LAP3: variants seen among roughly 807,000 people sequenced by gnomAD.
LAP3 encodes cytosol aminopeptidase.
In LAP3, 46 loss-of-function variants were observed where a neutral mutation model predicts 58.8. The ratio of observed to expected loss-of-function variants is 0.78; its 90% CI spans 0.62 to 1.00. The LOEUF is 1.00. LAP3 is among the 50% of genes least tolerant of loss of function. LAP3 has a pLI of 0.00. For missense variants in LAP3, 615 were observed against 659.1 expected, an observed-to-expected ratio of 0.93 and a Z score of 0.73; for synonymous variants, 257 against 237.7, an observed-to-expected ratio of 1.08 and a Z score of -0.75.
At chr4:17,598,737 C>T (rs1713895717) in intron 10 of LAP3, among the ~76,000 whole-genome samples, 179 bp downstream of exon 10, 1 of 146,210 alleles carries the variant, frequency 6.8e-6, no homozygotes, top group African/African-American at 2.5e-5. Flanking sequence ...TTAGGTTTGT[C>T]GTTTTAAAAC....
At chr4:17,591,621 T>C (rs1284679669) in intron 7 of LAP3, among the ~76,000 whole-genome samples, 1 of 152,134 alleles carries the variant, frequency 6.6e-6, no homozygotes, top group Admixed American at 6.5e-5. Flanking sequence ...TAGCTGAAGA[T>C]GTGAAGAATC....
In LAP3 at chr4:17,579,924, G is replaced by A; in HGVS notation, c.203G>A (p.Arg68Lys). 1 of 1,599,908 alleles carries A rather than the reference G, an allele frequency of 6.3e-7. No individual in the cohort carries two copies. Among genetic ancestry groups the A allele is most frequent in the South Asian group, 1.1e-5 (1 of 90,536 alleles). ...GATAAATTGTTAGCTGGAAAGCTGA[G>A]AGAGACTTTGAACATGTAAGTGTTG... ...NFDKLLAGKL[R>K]ETLNISGPPL... Residue 68 changes from arginine (R) to lysine (K), a missense_variant, in exon 2 of 13, where the codon AGA becomes AAA. Arg to Lys is a conservative substitution (Grantham distance 26, BLOSUM62 2). Transcript: ENST00000226299.
At chr4:17,594,183 C>G (rs1713771888) in intron 7 of LAP3, among the ~76,000 whole-genome samples, 1 of 152,034 alleles carries the variant, frequency 6.6e-6, no homozygotes, top group African/African-American at 2.4e-5. Context: ...TGGTGGCTAC[C>G]TTAGAACCAT....
intron 4 of LAP3, 75 bp downstream of exon 4, chr4:17,582,468 C>G (rs1220272182): frequency 4.1e-6 from 5 of 1,204,846 alleles, no homozygotes; most frequent in Non-Finnish European, 6.0e-6. Context: ...CCTTTTTGTC[C>G]TTTTACCAGT....
intron 8 of LAP3, 127 bp downstream of exon 8, chr4:17,595,661 C>A: frequency 1.8e-6 from 2 of 1,115,248 alleles, no homozygotes; most frequent in Non-Finnish European, 2.6e-6. Flanking sequence ...AGTCATCAAG[C>A]AGTAGCTATT....
chr4:17,585,096 A>G lies in LAP3; in HGVS notation c.664A>G (p.Asn222Asp). 1 of 1,613,900 alleles carries G rather than the reference A, an allele frequency of 6.2e-7. No individual in the cohort carries two copies. The highest frequency in any genetic ancestry group is 8.5e-7 in the Non-Finnish European group (1 of 1,179,788). Residue 222 changes from asparagine (N) to aspartate (D), a missense_variant, in exon 6 of 13, where the codon AAT becomes GAT. Physicochemically the swap from Asn to Asp is conservative, Grantham distance 23. Transcript: ENST00000226299. ...PTRFAEIIEK[N>D]LKSASSKTEV... Reference sequence around the variant, plus strand: ...CAGATTTGCTGAAATTATTGAGAAGAATCTCAAAAGTGCTAGTAGTAAAAC... The same window carrying G: ...CAGATTTGCTGAAATTATTGAGAAGGATCTCAAAAGTGCTAGTAGTAAAAC...
rs1261051047 is a variant in LAP3 at position 17,577,635 on chromosome 4, G to A, written c.102+68G>A. The A allele has an allele frequency of 8.2e-5, 103 of 1,249,596 alleles. 3 individuals carry two copies. In the South Asian group the frequency reaches 1.4e-3, roughly 16 times the overall value. The allele number at this position is 1,249,596 out of a possible 1,614,324, so 77.4% of individuals were successfully genotyped here. A position where few individuals can be genotyped will look rare whatever the true frequency, so the allele number is the denominator to read the frequency against. ...GCCCGTGGGCTACTGGGGCTGCGGG[G>A]CTGGTCGAAGCCGCGGTGTCCTGGG... On this transcript the variant is annotated intron_variant, in intron 1 of 12. Coordinates refer to ENST00000226299, the MANE Select transcript of LAP3 (RefSeq NM_015907.3).
At position 17,602,444 on chromosome 4, in the gene LAP3, A is replaced by T. The variant is rs191500519; in HGVS notation, c.1181-2144A>T. On this transcript the variant is annotated intron_variant, in intron 10 of 12. Transcript: ENST00000226299. ...ATCTGGATTTTTAAGTTGATTTTTT[A>T]AAAATATGCTAATTAATGTAAAAAT... Among the ~76,000 whole-genome samples the T allele has an allele frequency of 1.7e-3, 253 of 152,332 alleles. 1 individual carries two copies. Among genetic ancestry groups the T allele is most frequent in the Middle Eastern group, 0.01 (3 of 294 alleles).
At position 17,579,953 on chromosome 4, in the gene LAP3, G is replaced by T; in HGVS notation, c.218+14G>T. 7.0e-7 allele frequency: 1 copy of T among 1,433,052 alleles called. No individual in the cohort carries two copies. Among genetic ancestry groups the T allele is most frequent in the Non-Finnish European group, 9.8e-7 (1 of 1,024,550 alleles). 88.8% of individuals were successfully genotyped at this position (1,433,052 alleles called of 1,614,324 possible). A position where few individuals can be genotyped will look rare whatever the true frequency, so the allele number is the denominator to read the frequency against. ...GACTTTGAACATGTAAGTGTTGCTT[G>T]TGGGCTCTAGTTCTTAAAGTGCCCC... is the stretch of plus-strand genomic sequence containing the variant. On this transcript the variant is annotated intron_variant, in intron 2 of 12. Coordinates refer to ENST00000226299, the MANE Select transcript of LAP3 (RefSeq NM_015907.3).
chr4:17,585,435 A>ATTTT (rs201860192), intron 6 of LAP3: 7 of 149,182 alleles, frequency 4.7e-5, no homozygotes, highest in Admixed American at 7.2e-5. Context: ...CAATTCAGTG[A>ATTTT]TTTTTTTTTT....
chr4:17,592,693 C>T (rs1713718011), intron 7 of LAP3, among the ~76,000 whole-genome samples: 1 of 152,254 alleles, frequency 6.6e-6, no homozygotes, highest in South Asian at 2.1e-4. Context: ...TCTAATTGTT[C>T]TACACCTTCC....
intron 2 of LAP3, among the ~76,000 whole-genome samples, chr4:17,581,205 T>C (rs866869836): frequency 6.6e-6 from 1 of 152,240 alleles, no homozygotes; most frequent in Non-Finnish European, 1.5e-5. Flanking sequence ...CACATAGATA[T>C]ACAACCTCCA....
chr4:17,580,743 C>T (rs1197769371), intron 2 of LAP3, among the ~76,000 whole-genome samples: 1 of 152,060 alleles, frequency 6.6e-6, no homozygotes, highest in Non-Finnish European at 1.5e-5. Context: ...CTGTGAATCA[C>T]CTGAGGATAT....
chr4:17,598,876 A>G (rs960287847), intron 10 of LAP3, among the ~76,000 whole-genome samples: 1 of 152,064 alleles, frequency 6.6e-6, no homozygotes, highest in African/African-American at 2.4e-5. Flanking sequence ...AGCTGGGGTT[A>G]CAGGTACGCA....
intron 6 of LAP3, chr4:17,585,383 GAC>G (rs1159969384): frequency 1.2e-4 from 35 of 281,072 alleles, no homozygotes; most frequent in Non-Finnish European, 3.4e-5. Flanking sequence ...GTGTTATTCA[GAC>G]ACAATTAACA....
At position 17,595,520 on chromosome 4, in the gene LAP3, C is replaced by T. The variant is rs763705669; in HGVS notation, c.974C>T (p.Pro325Leu). Residue 325 changes from proline (P) to leucine (L), a missense_variant, in exon 8 of 13, where the codon CCC (proline) becomes CTC (leucine). Pro to Leu is a moderately conservative substitution (Grantham distance 98). Transcript: ENST00000226299. ...GTGTCTGCTGCAAAGCTTAATTTGCCCATTAATATTATAGGTAAGTGGGGT... is the reference window on the plus strand; with the variant it reads ...GTGTCTGCTGCAAAGCTTAATTTGCTCATTAATATTATAGGTAAGTGGGGT... ...AIVSAAKLNL[P>L]INIIGLAPLC... 5.0e-6 allele frequency: 8 copies of T among 1,613,624 alleles called. No homozygotes were observed. The highest frequency in any genetic ancestry group is 5.1e-6 in the Non-Finnish European group (6 of 1,179,824).
intron 7 of LAP3, among the ~76,000 whole-genome samples, chr4:17,593,738 G>T (rs9995197): frequency 6.8e-6 from 1 of 147,030 alleles, no homozygotes; most frequent in Non-Finnish European, 1.5e-5. Context: ...TCAACCTCCC[G>T]AGTAGCTGGG....
chr4:17,596,395 A>C (rs1253613318), intron 8 of LAP3, among the ~76,000 whole-genome samples: 1 of 151,964 alleles, frequency 6.6e-6, no homozygotes, highest in African/African-American at 2.4e-5. Context: ...GCTGGAGTGC[A>C]ATGGCGCGAT....
At chr4:17,603,332 G>A (rs1408730109) in intron 10 of LAP3, among the ~76,000 whole-genome samples, 1 of 151,842 alleles carries the variant, frequency 6.6e-6, no homozygotes, top group African/African-American at 2.4e-5. Context: ...ACATGCTTGA[G>A]CACATACAGG....
Sources: gnomAD v4.1 joint callset for allele counts (sites outside exome capture counted in the v4.1 genomes callset) on GRCh38, gnomAD v4.1.1 for gene constraint, MANE v1.5 for transcripts, NCBI Gene and HGNC (gene_info 2026-07-23, HGNC 2026-07-21) for gene names.